The following MYO5B variants were observed in gnomAD, a reference collection of about 807,000 sequenced individuals.
MYO5B encodes unconventional myosin-Vb.
MYO5B carries 143 observed loss-of-function variants against 229.3 expected under a neutral mutation model. That is an observed-to-expected ratio of 0.62 (90% CI 0.54 to 0.72). The LOEUF (loss-of-function observed/expected upper bound fraction) is 0.72. MYO5B is among the 30% of genes least tolerant of loss of function. The probability of loss-of-function intolerance (pLI) is 0.00; values close to 1 mark genes in which losing one functional copy is unlikely to be tolerated. For synonymous variants in MYO5B, 918 were observed against 885.2 expected, an observed-to-expected ratio of 1.04 and a Z score of -0.66; for missense variants, 2,321 against 2,331.0, an observed-to-expected ratio of 1.00 and a Z score of 0.09.
intron 1 of MYO5B, among the ~76,000 whole-genome samples, chr18:50,074,655 T>A (rs1377721262): frequency 6.6e-6 from 1 of 152,182 alleles, no homozygotes; most frequent in African/African-American, 2.4e-5. Flanking sequence ...ATCGCCTTCC[T>A]TGAAGAGCTT....
Position 49,904,786 on chromosome 18 carries a change from G to A in MYO5B, c.2457C>T (p.Leu819=). ...CCCTCTGCATGCGGTAATGTTTCTG[G>A]AGCACCACAGCCGCTCTGATCCTCC... ...HLRRIRAAVV[L]QKHYRMQRAR... The change falls in exon 20 of 40, where the codon CTC becomes CTT. Residue 819 remains leucine (L), a synonymous_variant. Coordinates refer to ENST00000285039, the MANE Select transcript of MYO5B (RefSeq NM_001080467.3). The A allele has an allele frequency of 3.1e-6, 5 of 1,613,966 alleles. No individual in the cohort carries two copies. The highest frequency in any genetic ancestry group is 4.2e-6 in the Non-Finnish European group (5 of 1,180,036).
chr18:50,105,175 G>T (rs1248459848), intron 1 of MYO5B, among the ~76,000 whole-genome samples: 4 of 151,400 alleles, frequency 2.6e-5, no homozygotes, highest in Non-Finnish European at 4.4e-5. Flanking sequence ...CTAGCAGTCA[G>T]GGTGTAAGCA....
rs576632022 is a variant in MYO5B, at chr18:49,970,545, C to T, written c.1322+3805G>A. On this transcript the variant is annotated intron_variant, in intron 10 of 39. Transcript: ENST00000285039. ...AGTGATGGGGAGAAATGTGTGTATACGATGCTGGCGTGTGTACTGCTTGCT... is the reference window on the plus strand; with the variant it reads ...AGTGATGGGGAGAAATGTGTGTATATGATGCTGGCGTGTGTACTGCTTGCT... Among the ~76,000 whole-genome samples, 8 of 152,246 alleles carry T rather than the reference C, an allele frequency of 5.3e-5. No homozygotes were observed. In the East Asian group the frequency reaches 7.7e-4, roughly 15 times the overall value.
chr18:50,012,125 T>C (rs1295094985), intron 4 of MYO5B, among the ~76,000 whole-genome samples: 2 of 152,188 alleles, frequency 1.3e-5, no homozygotes, highest in Non-Finnish European at 2.9e-5. Flanking sequence ...TAGATCAAAA[T>C]CTCTGAGGGG....
intron 4 of MYO5B, among the ~76,000 whole-genome samples, chr18:50,032,344 A>G (rs546949957): frequency 3.3e-5 from 5 of 152,328 alleles, no homozygotes; most frequent in South Asian, 4.1e-4. Context: ...CCAAAAAAAC[A>G]TAACTCTCAG....
In MYO5B at chr18:49,823,884, T is replaced by G. The variant is rs569596397; in HGVS notation, c.*2587A>C. 1 of 152,672 alleles carries G rather than the reference T, an allele frequency of 6.5e-6. No individual in the cohort carries two copies. Among genetic ancestry groups the G allele is most frequent in the African/African-American group, 2.4e-5 (1 of 41,462 alleles). 9.5% of individuals were successfully genotyped at this position (152,672 alleles called of 1,614,324 possible). Reference sequence around the variant, plus strand: ...ATCTATAAATATTTGATTCTTAATATTTAAAATGCTTCTAATGTTTTAAAA... The same window carrying G: ...ATCTATAAATATTTGATTCTTAATAGTTAAAATGCTTCTAATGTTTTAAAA... On this transcript the variant is annotated 3_prime_UTR_variant, in exon 40 of 40. Coordinates refer to ENST00000285039, the MANE Select transcript of MYO5B (RefSeq NM_001080467.3).
chr18:49,866,189 C>T (rs2024393899), intron 27 of MYO5B, among the ~76,000 whole-genome samples: 1 of 152,124 alleles, frequency 6.6e-6, no homozygotes, highest in African/African-American at 2.4e-5. Context: ...CTGCTTCAGC[C>T]TCCCGAGTAG....
At chr18:49,872,940 T>G (rs2024472996) in intron 26 of MYO5B, among the ~76,000 whole-genome samples, 1 of 152,220 alleles carries the variant, frequency 6.6e-6, no homozygotes, top group Admixed American at 6.5e-5. Flanking sequence ...AAACTACGTC[T>G]CTAGTAACAA....
chr18:50,035,724 G>T (rs1485212640), intron 4 of MYO5B, among the ~76,000 whole-genome samples: 1 of 152,210 alleles, frequency 6.6e-6, no homozygotes, highest in Non-Finnish European at 1.5e-5. Flanking sequence ...TGGCATTAGA[G>T]AAAAGTGAAA....
intron 1 of MYO5B, among the ~76,000 whole-genome samples, chr18:50,120,299 G>A (rs114719386): frequency 6.6e-6 from 1 of 152,186 alleles, no homozygotes; most frequent in Non-Finnish European, 1.5e-5. Flanking sequence ...GACAATGTCT[G>A]CTCGAGATTG....
chr18:49,864,142 G>T lies in MYO5B; in HGVS notation c.3842C>A (p.Ala1281Glu), dbSNP rs748414901. ...ADQRRLAGRN[A>E]EPNINARSSW... is the part of the protein sequence containing the mutation. Reference sequence around the variant, plus strand: ...CACCGCGGGCCGCCATCTTGTTACCGCGTTCCTGCCGGCGAGTCGCCGCTG... The same window carrying T: ...CACCGCGGGCCGCCATCTTGTTACCTCGTTCCTGCCGGCGAGTCGCCGCTG... Residue 1281 changes from alanine (A) to glutamate (E), a missense_variant and splice_region_variant, in exon 28 of 40, where the codon GCG (alanine) becomes GAG (glutamate). By Grantham distance (107) the Ala-to-Glu change is moderately radical. This residue lies in a region of MYO5B where 2,113 missense variants were observed against 2,044.7 expected (regional missense o/e 1.03). Coordinates refer to ENST00000285039, the MANE Select transcript of MYO5B (RefSeq NM_001080467.3). 1.1e-5 allele frequency: 17 copies of T among 1,607,988 alleles called. No individual in the cohort carries two copies. In the South Asian group the frequency reaches 1.9e-4, roughly 18 times the overall value.
At chr18:49,878,664 G>A (rs1241373369) in intron 24 of MYO5B, among the ~76,000 whole-genome samples, 2 of 152,182 alleles carry the variant, frequency 1.3e-5, no homozygotes, top group East Asian at 1.9e-4. Flanking sequence ...ACACAGGAAT[G>A]TTCCCGTAAC....
At chr18:50,124,928 T>C (rs1008564415) in intron 1 of MYO5B, among the ~76,000 whole-genome samples, 4 of 127,988 alleles carry the variant, frequency 3.1e-5, no homozygotes, top group African/African-American at 1.1e-4. Flanking sequence ...GCTGCAAGGA[T>C]CAATAAAGAG....
intron 5 of MYO5B, among the ~76,000 whole-genome samples, chr18:49,996,644 A>G (rs1428281662): frequency 1.3e-5 from 2 of 152,240 alleles, no homozygotes; most frequent in East Asian, 3.8e-4. Context: ...AATAATTTCA[A>G]TGTAATTGAT....
rs745554559 is a variant in MYO5B, at chr18:49,953,892, A to ATGTG, written c.1668+420_1668+421insCACA. 2.9e-3 allele frequency among the ~76,000 whole-genome samples: 369 copies of ATGTG among 127,640 alleles called. 6 individuals are homozygous for ATGTG. Among genetic ancestry groups the ATGTG allele is most frequent in the African/African-American group, 0.012 (353 of 29,936 alleles). The allele number at this position is 127,640 out of a possible 152,430, so 83.7% of individuals were successfully genotyped here. Reference sequence around the variant, plus strand: ...ACTGCTTTAGAATTTATATATACATATATGTGTGTGTGTGTGTGTGTGTGT... The same window carrying ATGTG: ...ACTGCTTTAGAATTTATATATACATATGTGTATGTGTGTGTGTGTGTGTGTGTGT... On this transcript the variant is annotated intron_variant, in intron 13 of 39. Transcript: ENST00000285039.
chr18:50,036,536 C>A (rs953381056), intron 4 of MYO5B, among the ~76,000 whole-genome samples: 2 of 151,922 alleles, frequency 1.3e-5, no homozygotes, highest in African/African-American at 2.4e-5. Context: ...TTATATTATA[C>A]CATAAAGGGA....
chr18:49,873,433 A>G (rs1247183540), intron 26 of MYO5B, among the ~76,000 whole-genome samples: 4 of 152,314 alleles, frequency 2.6e-5, no homozygotes, highest in Admixed American at 6.5e-5. Context: ...GGATCTGAGC[A>G]TCTCCTGTAC....
chr18:49,989,907 C>A (rs959740207), intron 7 of MYO5B, among the ~76,000 whole-genome samples: 3 of 152,174 alleles, frequency 2.0e-5, no homozygotes, highest in African/African-American at 7.2e-5. Flanking sequence ...ATCAGATGGC[C>A]TGGCAGTCCA....
At chr18:50,060,871 C>A (rs1296476586) in intron 1 of MYO5B, among the ~76,000 whole-genome samples, 2 of 152,130 alleles carry the variant, frequency 1.3e-5, no homozygotes, top group African/African-American at 4.8e-5. Context: ...GGGTGGGAAC[C>A]AGGTAGTGTT....
Sources: allele counts gnomAD v4.1 joint callset (sites outside exome capture counted in the v4.1 genomes callset), GRCh38; gene constraint gnomAD v4.1.1; regional missense constraint gnomAD v4.1.1; transcripts MANE v1.5; gene names NCBI Gene and HGNC (gene_info 2026-07-23, HGNC 2026-07-21).